The following WDR7 variants were observed in gnomAD, a reference collection of about 807,000 sequenced individuals.
WDR7 encodes the protein WD repeat-containing protein 7.
Under a neutral mutation model 169.4 loss-of-function variants are expected in WDR7, and 46 were observed. That is an observed-to-expected ratio of 0.27 (90% CI 0.21 to 0.35). The LOEUF (loss-of-function observed/expected upper bound fraction) is 0.35. WDR7 is among the 10% of genes least tolerant of loss of function. The pLI is 1.00. For synonymous variants in WDR7, 612 were observed against 666.8 expected, an observed-to-expected ratio of 0.92 and a Z score of 1.27; for missense variants, 1,534 against 1,859.3, an observed-to-expected ratio of 0.83 and a Z score of 3.22.
intron 19 of WDR7, among the ~76,000 whole-genome samples, chr18:56,800,109 C>T (rs775561469): frequency 7.2e-5 from 11 of 152,056 alleles, no homozygotes; most frequent in Non-Finnish European, 1.3e-4. Flanking sequence ...CTGTGGTCTT[C>T]TTACTGTCTG....
At chr18:57,032,801 T>A (rs1045981430), downstream of WDR7, 18 of 106,200 alleles carry the variant, frequency 1.7e-4, no homozygotes, top group Non-Finnish European at 3.2e-4. Flanking sequence ...TATAATTATT[T>A]TATATATATA....
chr18:56,953,693 A>G (rs1487463852), intron 25 of WDR7, among the ~76,000 whole-genome samples: 3 of 152,240 alleles, frequency 2.0e-5, no homozygotes, highest in Non-Finnish European at 4.4e-5. Context: ...ACCCAGTGCC[A>G]TGATAAGAGG....
At chr18:56,943,525 A>C (rs1170438553) in intron 25 of WDR7, among the ~76,000 whole-genome samples, 1 of 152,144 alleles carries the variant, frequency 6.6e-6, no homozygotes, top group Admixed American at 6.5e-5. Context: ...CATCTAGAAA[A>C]GTGCTTATGA....
At chr18:56,743,715 G>C (rs2043655959) in intron 14 of WDR7, among the ~76,000 whole-genome samples, 2 of 152,198 alleles carry the variant, frequency 1.3e-5, no homozygotes, top group South Asian at 4.1e-4. Flanking sequence ...TGTATGAGAA[G>C]AGAAGGAAAG....
intron 1 of WDR7, among the ~76,000 whole-genome samples, chr18:56,662,448 T>G (rs985263143): frequency 6.6e-6 from 1 of 152,154 alleles, no homozygotes; most frequent in Non-Finnish European, 1.5e-5. Flanking sequence ...CATAGGTCAT[T>G]GATAGTTTCA....
At chr18:56,684,407 C>G (rs941029516) in intron 5 of WDR7, among the ~76,000 whole-genome samples, 6 of 152,144 alleles carry the variant, frequency 3.9e-5, no homozygotes, top group African/African-American at 1.2e-4. Flanking sequence ...CTACTCAACT[C>G]TGCTGTTTTA....
intron 24 of WDR7, 23 bp downstream of exon 24, chr18:56,938,705 G>A: frequency 1.9e-6 from 3 of 1,610,992 alleles, no homozygotes; most frequent in Admixed American, 1.7e-5. Context: ...TGTTTTAAAT[G>A]ATCCATCAGC....
intron 16 of WDR7, among the ~76,000 whole-genome samples, chr18:56,769,806 A>G (rs949190908): frequency 2.0e-5 from 3 of 152,180 alleles, no homozygotes; most frequent in Non-Finnish European, 4.4e-5. Context: ...TTTAATCACT[A>G]TTCTTTTCCA....
chr18:57,020,817 T>G lies in WDR7; in HGVS notation c.4237T>G (p.Ser1413Ala). ...TGATGGAAGATATCTTGCCACCTAC[T>G]CAAACACTGACAGCCACATTTCTTT... is the stretch of plus-strand genomic sequence containing the variant. ...APDGRYLATY[S>A]NTDSHISFWQ... The change falls in exon 27 of 28, where the codon TCA becomes GCA. Residue 1413 changes from serine to alanine, a missense_variant. By Grantham distance (99) the Ser-to-Ala change is moderately conservative. Coordinates refer to ENST00000254442, the MANE Select transcript of WDR7 (RefSeq NM_015285.3). 2 of 1,614,152 alleles carry G rather than the reference T, an allele frequency of 1.2e-6. No homozygotes were observed. Among genetic ancestry groups the G allele is most frequent in the Admixed American group, 3.3e-5 (2 of 60,012 alleles).
intron 14 of WDR7, among the ~76,000 whole-genome samples, chr18:56,731,832 T>A (rs1331373320): frequency 6.6e-6 from 1 of 152,238 alleles, no homozygotes; most frequent in African/African-American, 2.4e-5. Context: ...CTGAATTAAG[T>A]GACTTTAGTT....
chr18:56,725,997 C>T (rs2026442885), intron 13 of WDR7, among the ~76,000 whole-genome samples: 1 of 152,120 alleles, frequency 6.6e-6, no homozygotes, highest in South Asian at 2.1e-4. Flanking sequence ...GGGCTCTGTT[C>T]TGTTCCATTG....
chr18:56,884,146 C>A (rs907554609), intron 21 of WDR7, among the ~76,000 whole-genome samples: 1 of 152,176 alleles, frequency 6.6e-6, no homozygotes, highest in Non-Finnish European at 1.5e-5. Context: ...TAAAAGCGTT[C>A]CCTTTTCATA....
At chr18:56,783,540 A>G (rs757824148) in intron 19 of WDR7, among the ~76,000 whole-genome samples, 5 of 152,148 alleles carry the variant, frequency 3.3e-5, no homozygotes, top group Middle Eastern at 3.2e-3. Flanking sequence ...TAAGAATGCT[A>G]TTATGGAAAT....
chr18:56,980,753 G>A (rs188756589), intron 26 of WDR7, among the ~76,000 whole-genome samples: 1 of 152,262 alleles, frequency 6.6e-6, no homozygotes, highest in East Asian at 1.9e-4. Context: ...TGGGAGAGAA[G>A]AGCATGTGCA....
chr18:56,757,078 C>G lies in WDR7; in HGVS notation c.2485C>G (p.Pro829Ala). 1 of 1,614,136 alleles carries G rather than the reference C, an allele frequency of 6.2e-7. No homozygotes were observed. The highest frequency in any genetic ancestry group is 8.5e-7 in the Non-Finnish European group (1 of 1,180,028). Residue 829 changes from proline (P) to alanine (A), a missense_variant, in exon 15 of 28, where the codon CCC becomes GCC. Coordinates refer to ENST00000254442, the MANE Select transcript of WDR7 (RefSeq NM_015285.3). ...CCTGGATCGCCTTGGAATGCTGAAA[C>G]CCCACTGCACCGTATCGTTTGGCCT... ...VCLDRLGMLK[P>A]HCTVSFGLLS...
chr18:56,696,264 C>T lies in WDR7; in HGVS notation c.1380C>T (p.Leu460=). 1 of 1,613,812 alleles carries T rather than the reference C, an allele frequency of 6.2e-7. No homozygotes were observed. The change falls in exon 12 of 28, where the codon CTC becomes CTT. Residue 460 remains leucine, a synonymous_variant. Transcript: ENST00000254442. ...CAGGTTGGCCACCTCACAGAACACT[C>T]CGTGGTCATCGGAACAAAGTCACAT... is the stretch of plus-strand genomic sequence containing the variant. ...LRRGWPPHRT[L]RGHRNKVTCL... is the part of the protein sequence containing the mutation.
chr18:56,923,811 T>A (rs912846707), intron 21 of WDR7, 111 bp from the exon 22 acceptor site: 8 of 1,090,246 alleles, frequency 7.3e-6, no homozygotes, highest in African/African-American at 3.3e-5. Context: ...GTTCAATACC[T>A]TTTTCAGTTA....
At chr18:56,977,536 A>G (rs142926564) in intron 26 of WDR7, among the ~76,000 whole-genome samples, 6 of 152,228 alleles carry the variant, frequency 3.9e-5, no homozygotes, top group Non-Finnish European at 8.8e-5. Context: ...CCTGCTTTAG[A>G]GTGAGCTGTT....
chr18:56,668,719 G>A (rs1436386269), intron 1 of WDR7, among the ~76,000 whole-genome samples: 3 of 152,134 alleles, frequency 2.0e-5, no homozygotes, highest in Non-Finnish European at 4.4e-5. Context: ...TGTTATATTT[G>A]CATTGCACAA....
Sources: gnomAD v4.1 joint callset for allele counts (sites outside exome capture counted in the v4.1 genomes callset) on GRCh38, gnomAD v4.1.1 for gene constraint, MANE v1.5 for transcripts, NCBI Gene and HGNC (gene_info 2026-07-23, HGNC 2026-07-21) for gene names.